S100A8: variants seen among roughly 807,000 people sequenced by gnomAD.
S100A8 encodes protein S100-A8.
In S100A8, 1 loss-of-function variant was observed where a neutral mutation model predicts 4.2. That is an observed-to-expected ratio of 0.24 (90% confidence interval 0.08 to 1.12). The LOEUF (loss-of-function observed/expected upper bound fraction) is 1.12, where lower values mean the gene tolerates loss of function less well. Ranked by LOEUF, S100A8 falls within the 50% of genes most tolerant of loss-of-function variation. The pLI is 0.53. For synonymous variants in S100A8, 41 were observed against 44.7 expected, an observed-to-expected ratio of 0.92 and a Z score of 0.33; for missense variants, 96 against 111.8, an observed-to-expected ratio of 0.86 and a Z score of 0.64.
the S100A8 span, among the ~76,000 whole-genome samples, chr1:153,412,350 T>C: frequency 3.9e-5 from 6 of 152,286 alleles, no homozygotes; most frequent in South Asian, 2.1e-4. Context: ...TCTCAAAAGA[T>C]GACATTTATG....
At chr1:153,407,041 AG>A in the S100A8 span, among the ~76,000 whole-genome samples, 3 of 152,364 alleles carry the variant, frequency 2.0e-5, no homozygotes, top group South Asian at 6.2e-4. Flanking sequence ...TACAGCTCCC[AG>A]CGAAGCAGAA....
the S100A8 span, among the ~76,000 whole-genome samples, chr1:153,407,349 C>G: frequency 9.2e-5 from 14 of 152,344 alleles, no homozygotes; most frequent in South Asian, 2.7e-3. Context: ...CAGTCCCACA[C>G]TCACAGAGCC....
the S100A8 span, among the ~76,000 whole-genome samples, chr1:153,417,432 A>C: frequency 2.0e-5 from 3 of 151,786 alleles, no homozygotes; most frequent in Admixed American, 6.6e-5. Flanking sequence ...TAACAGAGGC[A>C]ATTCTTGTTT....
Position 153,390,043 on chromosome 1 carries a change from T to C in S100A8, c.*60A>G, listed in dbSNP as rs1662043451. The stretch of plus-strand genomic sequence containing the variant: ...ATAAGAGAGAGGCATGAGGTATTGA[T>C]GACTTTATTATTCTGCAGGTACATG... On this transcript the variant is annotated 3_prime_UTR_variant, in exon 3 of 3. Transcript: ENST00000368733. The C allele has an allele frequency of 6.2e-6, 9 of 1,461,628 alleles. No individual in the cohort carries two copies. The highest frequency in any genetic ancestry group is 2.5e-5 in the South Asian group (2 of 80,474). 90.5% of individuals were successfully genotyped at this position (1,461,628 alleles called of 1,614,324 possible).
chr1:153,406,736 C>A, the S100A8 span, among the ~76,000 whole-genome samples: 3 of 152,100 alleles, frequency 2.0e-5, no homozygotes, highest in African/African-American at 7.2e-5. Context: ...CAGCCAAATT[C>A]CTGTTCACAA....
chr1:153,422,364 G>T, the S100A8 span: 2 of 267,732 alleles, frequency 7.5e-6, no homozygotes, highest in Non-Finnish European at 1.2e-5. Context: ...AGGCCTAAGG[G>T]CACAGGTATT....
chr1:153,403,861 G>C, the S100A8 span, among the ~76,000 whole-genome samples: 1 of 152,018 alleles, frequency 6.6e-6, no homozygotes, highest in African/African-American at 2.4e-5. Flanking sequence ...ATTCCGTTCT[G>C]ATCCTAACTA....
At chr1:153,418,083 A>G in the S100A8 span, 1 of 1,613,864 alleles carries the variant, frequency 6.2e-7, no homozygotes, top group African/African-American at 1.3e-5. Context: ...GAAAGCAAAG[A>G]TGAGCAACAC....
At chr1:153,419,314 G>A in the S100A8 span, 1 of 1,613,194 alleles carries the variant, frequency 6.2e-7, no homozygotes, top group Non-Finnish European at 8.5e-7. Flanking sequence ...CAGTGATCCA[G>A]CCCCACCAAG....
chr1:153,402,468 G>T, the S100A8 span, among the ~76,000 whole-genome samples: 2 of 152,188 alleles, frequency 1.3e-5, no homozygotes, highest in Admixed American at 6.5e-5. Flanking sequence ...AGGTGCTCAG[G>T]TAGGAGCCAG....
In S100A8 at chr1:153,390,410, A is replaced by G; in HGVS notation, c.126T>C (p.Cys42=). 1 of 1,614,118 alleles carries G rather than the reference A, an allele frequency of 6.2e-7. No homozygotes were observed. Among genetic ancestry groups the G allele is most frequent in the East Asian group, 2.2e-5 (1 of 44,884 alleles). ...CCCTCCTCACCCTGATATACTGAGG[A>G]CACTCGGTCTCTAGCAATTTCTTCA... ...DDLKKLLETE[C]PQYIRKKGAD... is the part of the protein sequence containing the mutation. Residue 42 remains cysteine, a synonymous_variant, in exon 2 of 3, where the codon TGT becomes TGC. Coordinates refer to ENST00000368733, the MANE Select transcript of S100A8 (RefSeq NM_002964.5).
At chr1:153,416,191 T>C in the S100A8 span, among the ~76,000 whole-genome samples, 735 of 152,170 alleles carry the variant, frequency 4.8e-3, 3 homozygotes, top group African/African-American at 0.017. Context: ...CATGCTGCCT[T>C]TGGGAGTCTG....
the S100A8 span, chr1:153,418,162 T>C: frequency 1.2e-6 from 2 of 1,613,848 alleles, no homozygotes; most frequent in South Asian, 1.1e-5. Flanking sequence ...GATGGCAAGA[T>C]TGAGAAGCCA....
chr1:153,399,833 C>G, the S100A8 span, among the ~76,000 whole-genome samples: 1 of 152,198 alleles, frequency 6.6e-6, no homozygotes, highest in Admixed American at 6.5e-5. Context: ...AAAGGAGAAC[C>G]AGGCACTCTA....
chr1:153,401,560 C>A, the S100A8 span, among the ~76,000 whole-genome samples: 1 of 152,176 alleles, frequency 6.6e-6, no homozygotes, highest in African/African-American at 2.4e-5. Flanking sequence ...TTCCAGTGTG[C>A]AGACCAGACA....
chr1:153,398,729 T>C, the S100A8 span, among the ~76,000 whole-genome samples: 7 of 152,190 alleles, frequency 4.6e-5, no homozygotes, highest in African/African-American at 1.4e-4. Flanking sequence ...AAGCACTTTA[T>C]ACAAATTATC....
chr1:153,405,107 T>C, the S100A8 span, among the ~76,000 whole-genome samples: 3 of 151,748 alleles, frequency 2.0e-5, no homozygotes, highest in South Asian at 4.2e-4. Context: ...CACTGCTTTC[T>C]CCAGCTTGCC....
the S100A8 span, among the ~76,000 whole-genome samples, chr1:153,418,455 G>C: frequency 6.6e-6 from 1 of 152,184 alleles, no homozygotes; most frequent in African/African-American, 2.4e-5. Flanking sequence ...GGTCAGCAAA[G>C]TGTGCAGCTT....
At chr1:153,419,982 T>C in the S100A8 span, 1 of 152,628 alleles carries the variant, frequency 6.6e-6, no homozygotes, top group Non-Finnish European at 1.5e-5. Flanking sequence ...ACTGTGATGC[T>C]TAGCTGTCCT....
Sources: gnomAD v4.1 joint callset for allele counts (sites outside exome capture counted in the v4.1 genomes callset) on GRCh38, gnomAD v4.1.1 for gene constraint, MANE v1.5 for transcripts, NCBI Gene and HGNC (gene_info 2026-07-23, HGNC 2026-07-21) for gene names.